TNFRSF1B: variants seen among roughly 807,000 people sequenced by gnomAD.
TNFRSF1B encodes the protein tumor necrosis factor receptor superfamily member 1B.
TNFRSF1B carries 19 observed loss-of-function variants against 44.6 expected under a neutral mutation model. That is an observed-to-expected ratio of 0.43 (90% CI 0.30 to 0.62). The LOEUF (loss-of-function observed/expected upper bound fraction) is 0.62, where lower values mean the gene tolerates loss of function less well. Among genes scored for constraint, TNFRSF1B ranks in the 20% least tolerant of loss-of-function variants. TNFRSF1B has a pLI of 0.16. For missense variants in TNFRSF1B, 541 were observed against 619.9 expected, an observed-to-expected ratio of 0.87 and a Z score of 1.35; for synonymous variants, 252 against 261.1, an observed-to-expected ratio of 0.97 and a Z score of 0.34.
intron 1 of TNFRSF1B, among the ~76,000 whole-genome samples, chr1:12,183,994 A>G (rs1239684417): frequency 6.6e-6 from 1 of 152,168 alleles, no homozygotes; most frequent in Non-Finnish European, 1.5e-5. Context: ...CATATTTTGG[A>G]AGATTGTAGT....
chr1:12,190,873 C>G, intron 2 of TNFRSF1B, 84 bp from the exon 3 acceptor site: 1 of 1,534,444 alleles, frequency 6.5e-7, no homozygotes, highest in Non-Finnish European at 8.8e-7. Flanking sequence ...CTTTAGAACT[C>G]TGGACTTTGT....
chr1:12,201,957 G>A lies in TNFRSF1B; in HGVS notation c.901-10G>A. On this transcript the variant is annotated splice_polypyrimidine_tract_variant and intron_variant, in intron 8 of 9. Coordinates refer to ENST00000376259, the MANE Select transcript of TNFRSF1B (RefSeq NM_001066.3). ...TGACTGCTCTCCCCTACCACCCCCT[G>A]CCCATCCAGCCTCACTTGCCTGCCG... The A allele has an allele frequency of 6.2e-7, 1 of 1,600,296 alleles. No homozygotes were observed. The highest frequency in any genetic ancestry group is 2.3e-5 in the East Asian group (1 of 44,314).
chr1:12,182,367 A>T (rs1397277938), intron 1 of TNFRSF1B, among the ~76,000 whole-genome samples: 1 of 152,160 alleles, frequency 6.6e-6, no homozygotes, highest in African/African-American at 2.4e-5. Context: ...TGAGTGTGCC[A>T]AGGGCATCTC....
chr1:12,206,696 C>T (rs780321022), intron 9 of TNFRSF1B, 44 bp from the exon 10 acceptor site: 9 of 1,518,802 alleles, frequency 5.9e-6, no homozygotes, highest in Non-Finnish European at 7.1e-6. Context: ...GGGCCCCACT[C>T]CTGGACCCCC....
intron 1 of TNFRSF1B, among the ~76,000 whole-genome samples, chr1:12,183,727 A>C (rs973758846): frequency 8.3e-6 from 1 of 121,148 alleles, no homozygotes; most frequent in African/African-American, 2.9e-5. Context: ...CTACCTATCT[A>C]TCTATCTATC....
intron 1 of TNFRSF1B, among the ~76,000 whole-genome samples, chr1:12,179,710 A>G (rs1638747981): frequency 6.6e-6 from 1 of 152,208 alleles, no homozygotes; most frequent in Admixed American, 6.5e-5. Context: ...CAAAACTGTC[A>G]GAGGGCACAG....
In TNFRSF1B at chr1:12,201,651, T is replaced by A. The variant is rs961573044; in HGVS notation, c.901-316T>A. ...TGAAGGAAAGCTGCTTTCCTTCTAC[T>A]CCCTTATGCAAAATAAGGATGAAAA... On this transcript the variant is annotated intron_variant, in intron 8 of 9. Coordinates refer to ENST00000376259, the MANE Select transcript of TNFRSF1B (RefSeq NM_001066.3). Among the ~76,000 whole-genome samples, 4 of 152,256 alleles carry A rather than the reference T, an allele frequency of 2.6e-5. No homozygotes were observed. In the South Asian group the frequency reaches 6.2e-4, roughly 24 times the overall value.
At position 12,192,843 on chromosome 1, in the gene TNFRSF1B, C is replaced by G; in HGVS notation, c.552-20C>G. The stretch of plus-strand genomic sequence containing the variant: ...ACTCTGTCCCCTGCTGCCTCCTGAC[C>G]AAGCCTCCTCCTCCTCCAGCTGTAA... On this transcript the variant is annotated intron_variant, in intron 5 of 9. Transcript: ENST00000376259. 1 of 1,603,622 alleles carries G rather than the reference C, an allele frequency of 6.2e-7. No individual in the cohort carries two copies. Among genetic ancestry groups the G allele is most frequent in the Non-Finnish European group, 8.5e-7 (1 of 1,173,674 alleles).
intron 1 of TNFRSF1B, among the ~76,000 whole-genome samples, chr1:12,174,143 CTTCTT>C (rs1638584872): frequency 1.2e-5 from 1 of 83,026 alleles, no homozygotes; most frequent in Admixed American, 1.2e-4. Flanking sequence ...TCTTCTTCTT[CTTCTT>C]CTTCTTCTTC....
rs1430585918 is a variant in TNFRSF1B, at chr1:12,178,450, GAAC to G, written c.79-10345_79-10343del. On this transcript the variant is annotated intron_variant, in intron 1 of 9. Transcript: ENST00000376259. This position sits in a 1 kb window ranked among gnomAD's most constrained non-coding sequence, Gnocchi z 4.3. ...ATAAAGTGGAGGTGGGGGAATGGCA[GAAC>G]TGGGATCAAAGCCCACGTGTCTGTG... Among the ~76,000 whole-genome samples the G allele has an allele frequency of 2.6e-5, 4 of 152,224 alleles. No homozygotes were observed. Among genetic ancestry groups the G allele is most frequent in the Non-Finnish European group, 4.4e-5 (3 of 68,048 alleles).
chr1:12,188,956 G>C, intron 2 of TNFRSF1B, 61 bp downstream of exon 2: 1 of 1,500,038 alleles, frequency 6.7e-7, no homozygotes, highest in Admixed American at 1.7e-5. Context: ...GTGTACAGGG[G>C]CTGGGGCGCA....
Position 12,194,635 on chromosome 1 carries a change from C to A in TNFRSF1B, c.900+17C>A. ...GCCAAGGTGGTGAGTGTCTCCACTG[C>A]CCTCTCCCCCTCTTCCCCTGGTCTC... On this transcript the variant is annotated intron_variant, in intron 8 of 9. Coordinates refer to ENST00000376259, the MANE Select transcript of TNFRSF1B (RefSeq NM_001066.3). 6.2e-7 allele frequency: 1 copy of A among 1,613,882 alleles called. No homozygotes were observed. Among genetic ancestry groups the A allele is most frequent in the Non-Finnish European group, 8.5e-7 (1 of 1,179,760 alleles).
chr1:12,206,699 G>A (rs1639509534), intron 9 of TNFRSF1B, 41 bp from the exon 10 acceptor site: 1 of 1,515,498 alleles, frequency 6.6e-7, no homozygotes, highest in African/African-American at 1.4e-5. Flanking sequence ...CCCCACTCCT[G>A]GACCCCCGGA....
At chr1:12,167,942 G>C (rs1008629424) in intron 1 of TNFRSF1B, among the ~76,000 whole-genome samples, 6 of 152,200 alleles carry the variant, frequency 3.9e-5, no homozygotes, top group African/African-American at 1.4e-4. Context: ...AGTAGCAACG[G>C]GCGTACAAGG....
At chr1:12,189,474 A>G (rs569164542) in intron 2 of TNFRSF1B, among the ~76,000 whole-genome samples, 2 of 152,310 alleles carry the variant, frequency 1.3e-5, no homozygotes, top group East Asian at 3.9e-4. Flanking sequence ...GTGAATGCTT[A>G]CCCATTTCAC....
Position 12,177,547 on chromosome 1 carries a change from G to A in TNFRSF1B, c.78+10378G>A, listed in dbSNP as rs1253071885. ...ACCCCTGTGCCTCCAGACCCCTCGA[G>A]CTCCTCCCAGACCTTTGGCTTCGTT... On this transcript the variant is annotated intron_variant, in intron 1 of 9. Coordinates refer to ENST00000376259, the MANE Select transcript of TNFRSF1B (RefSeq NM_001066.3). The surrounding 1 kb of genome is among the most constrained non-coding windows in gnomAD (Gnocchi z 4.3). 6.6e-6 allele frequency among the ~76,000 whole-genome samples: 1 copy of A among 152,148 alleles called. No homozygotes were observed. The highest frequency in any genetic ancestry group is 1.5e-5 in the Non-Finnish European group (1 of 68,012).
rs1557629299 is a variant in TNFRSF1B, at chr1:12,183,754, TAG to T, written c.79-5041_79-5040del. ...CTATCTATCTATCTATCTATCTAGC[TAG>T]CTAGCTAGCTAGCTATCTATTCTAT... On this transcript the variant is annotated intron_variant, in intron 1 of 9. Transcript: ENST00000376259. Among the ~76,000 whole-genome samples, 821 of 107,208 alleles carry T rather than the reference TAG, an allele frequency of 7.7e-3. 36 individuals carry two copies. Among genetic ancestry groups the T allele is most frequent in the African/African-American group, 0.016 (534 of 33,004 alleles). 70.3% of individuals were successfully genotyped at this position (107,208 alleles called of 152,430 possible).
intron 8 of TNFRSF1B, among the ~76,000 whole-genome samples, chr1:12,195,833 C>T (rs556400479): frequency 2.4e-4 from 36 of 151,966 alleles, no homozygotes; most frequent in African/African-American, 8.2e-4. Flanking sequence ...TGAGTTTTCT[C>T]GACCTCAGGG....
intron 8 of TNFRSF1B, among the ~76,000 whole-genome samples, chr1:12,195,708 A>AGG (rs1235842698): frequency 1.3e-5 from 2 of 152,176 alleles, no homozygotes; most frequent in East Asian, 3.9e-4. Flanking sequence ...AGGACAAGGG[A>AGG]GGGGGGTTGG....
Sources: allele counts gnomAD v4.1 joint callset (sites outside exome capture counted in the v4.1 genomes callset), GRCh38; gene constraint gnomAD v4.1.1; non-coding constraint Gnocchi (gnomAD v3.1); transcripts MANE v1.5; gene names NCBI Gene and HGNC (gene_info 2026-07-23, HGNC 2026-07-21).